The following POLR1B variants were observed in gnomAD, a reference collection of about 807,000 sequenced individuals.
POLR1B encodes the protein RNA polymerase I subunit B, also known as DNA-directed RNA polymerase I subunit RPA2.
POLR1B carries 30 observed loss-of-function variants against 105.8 expected under a neutral mutation model. That is an observed-to-expected ratio of 0.28 (90% confidence interval 0.21 to 0.38). POLR1B has a LOEUF of 0.38. Ranked by LOEUF, POLR1B falls within the 10% of genes least tolerant of loss-of-function variation. The probability of loss-of-function intolerance (pLI) is 1.00; values close to 1 mark genes in which losing one functional copy is unlikely to be tolerated. For missense variants in POLR1B, 976 were observed against 1,435.8 expected (o/e 0.68, Z 5.17); for synonymous variants, 485 against 505.1 (o/e 0.96, Z 0.53).
chr2:112,551,944 A>AT lies in POLR1B; in HGVS notation c.932_933insT (p.Lys311AsnfsTer6). 6.2e-7 allele frequency: 1 copy of AT among 1,614,198 alleles called. No homozygotes were observed. The highest frequency in any genetic ancestry group is 8.5e-7 in the Non-Finnish European group (1 of 1,180,046). On this transcript the variant is annotated frameshift_variant, in exon 6 of 15. Transcript: ENST00000263331. LOFTEE classifies it high-confidence loss of function. ...TACCTAGGTGAATGCTTCAGAGTAA[A>AT]ACTCAATGTTCCTGACTGGTACCCA...
chr2:112,563,923 G>C (rs1405074737), intron 9 of POLR1B, among the ~76,000 whole-genome samples: 1 of 151,358 alleles, frequency 6.6e-6, no homozygotes, highest in Non-Finnish European at 1.5e-5. Context: ...CATTTTTTTT[G>C]CTCATCCTCT....
In POLR1B at chr2:112,542,478, G is replaced by C; in HGVS notation, c.-17G>C. The stretch of plus-strand genomic sequence containing the variant: ...GGCGTGTACCGAGAGACTGGCGTCC[G>C]GTGTGCAGGTGGCCACATGGATCCT... On this transcript the variant is annotated 5_prime_UTR_variant, in exon 1 of 15. Coordinates refer to ENST00000263331, the MANE Select transcript of POLR1B (RefSeq NM_019014.6). The C allele has an allele frequency of 6.2e-7, 1 of 1,612,230 alleles. No homozygotes were observed. Among genetic ancestry groups the C allele is most frequent in the African/African-American group, 1.3e-5 (1 of 74,672 alleles).
chr2:112,558,794 T>C (rs775373139), intron 8 of POLR1B, among the ~76,000 whole-genome samples: 12 of 151,922 alleles, frequency 7.9e-5, no homozygotes, highest in Admixed American at 2.0e-4. Context: ...AATTTTTGTA[T>C]TTTTTGTAGA....
rs776816394 is a variant in POLR1B, at chr2:112,542,530, C to A, written c.36C>A (p.Ser12Arg). Residue 12 changes from serine (S) to arginine (R), a missense_variant, in exon 1 of 15, where the codon AGC becomes AGA. This residue lies in a region of POLR1B where 452 missense variants were observed against 616.5 expected (regional missense o/e 0.73). Transcript: ENST00000263331. ...GCAGCCGGTGGCGGAACCTGCCCAGCGGGCCTAGCCTAAAGCACTTGACTG... is the reference window on the plus strand; with the variant it reads ...GCAGCCGGTGGCGGAACCTGCCCAGAGGGCCTAGCCTAAAGCACTTGACTG... ...DPGSRWRNLP[S>R]GPSLKHLTDP... The A allele has an allele frequency of 2.5e-6, 4 of 1,614,086 alleles. No homozygotes were observed. The highest frequency in any genetic ancestry group is 2.5e-6 in the Non-Finnish European group (3 of 1,180,042).
In POLR1B at chr2:112,564,511, G is replaced by A. The variant is rs1684179222; in HGVS notation, c.1746+12G>A. 1 of 1,614,066 alleles carries A rather than the reference G, an allele frequency of 6.2e-7. No individual in the cohort carries two copies. The highest frequency in any genetic ancestry group is 8.5e-7 in the Non-Finnish European group (1 of 1,180,000). Reference sequence around the variant, plus strand: ...TTCGTCATTTTAAGGTGGGCTTGAGGCTTTGTGAATTGTCCTATCCCTTGA... The same window carrying A: ...TTCGTCATTTTAAGGTGGGCTTGAGACTTTGTGAATTGTCCTATCCCTTGA... On this transcript the variant is annotated intron_variant, in intron 10 of 14. Coordinates refer to ENST00000263331, the MANE Select transcript of POLR1B (RefSeq NM_019014.6).
intron 14 of POLR1B, 88 bp from the exon 15 acceptor site, chr2:112,574,759 C>G: frequency 1.0e-6 from 1 of 976,724 alleles, no homozygotes; most frequent in Non-Finnish European, 1.5e-6. Flanking sequence ...TTACAAATAT[C>G]CTTTATGAAG....
chr2:112,542,743 T>C, intron 1 of POLR1B, 72 bp downstream of exon 1: 2 of 1,553,030 alleles, frequency 1.3e-6, no homozygotes, highest in Non-Finnish European at 1.7e-6. Flanking sequence ...GAGGTCACAG[T>C]ATGACCCCAG....
Position 112,551,816 on chromosome 2 carries a change from C to G in POLR1B, c.804C>G (p.Leu268=), listed in dbSNP as rs184669361. The change falls in exon 6 of 15, where the codon CTC becomes CTG. Residue 268 remains leucine (L), a synonymous_variant. Transcript: ENST00000263331. The part of the protein sequence containing the change: ...SFSDYQIFQE[L]IKGKEDDSFL... ...CTGATTATCAGATCTTTCAGGAGCT[C>G]ATCAAAGGAAAAGAGGATGATTCTT... 5 of 1,614,118 alleles carry G rather than the reference C, an allele frequency of 3.1e-6. No homozygotes were observed. The Admixed American group carries it at 8.3e-5, about 27-fold the overall frequency.
chr2:112,566,293 TGTAATAA>T (rs2104561058), intron 10 of POLR1B, among the ~76,000 whole-genome samples: 1 of 152,372 alleles, frequency 6.6e-6, no homozygotes, highest in African/African-American at 2.4e-5. Flanking sequence ...TGTTTTTCTC[TGTAATAA>T]GTAACTTGTG....
At chr2:112,563,622 G>T (rs1684124142) in intron 9 of POLR1B, among the ~76,000 whole-genome samples, 2 of 152,110 alleles carry the variant, frequency 1.3e-5, no homozygotes, top group Non-Finnish European at 2.9e-5. Flanking sequence ...TTTCTGCTGG[G>T]CACAGTGGCT....
intron 7 of POLR1B, among the ~76,000 whole-genome samples, chr2:112,556,635 A>C (rs941230616): frequency 9.2e-5 from 14 of 152,314 alleles, no homozygotes; most frequent in African/African-American, 3.4e-4. Flanking sequence ...TCAATGGCTA[A>C]TGTGTTGACT....
At chr2:112,564,637 TTCCC>T in intron 10 of POLR1B, 138 bp downstream of exon 10, 4 of 1,182,206 alleles carry the variant, frequency 3.4e-6, no homozygotes, top group Non-Finnish European at 4.8e-6. Flanking sequence ...TGCCTGTGCA[TTCCC>T]TCTGGTGACA....
chr2:112,543,309 G>C (rs1682858885), intron 1 of POLR1B, among the ~76,000 whole-genome samples: 1 of 152,178 alleles, frequency 6.6e-6, no homozygotes, highest in South Asian at 2.1e-4. Context: ...ATGTGGAGGA[G>C]GCAGTCCCGT....
chr2:112,556,298 T>G (rs1683659900), intron 7 of POLR1B, among the ~76,000 whole-genome samples: 1 of 152,248 alleles, frequency 6.6e-6, no homozygotes, highest in African/African-American at 2.4e-5. Context: ...AACAGCTTCC[T>G]TCACTCCCTG....
intron 5 of POLR1B, 34 bp from the exon 6 acceptor site, chr2:112,551,741 A>T (rs777242753): frequency 2.0e-6 from 3 of 1,506,270 alleles, no homozygotes. Flanking sequence ...TTTAGTTATT[A>T]GTGAGCAATT....
intron 4 of POLR1B, among the ~76,000 whole-genome samples, chr2:112,550,247 CT>C (rs1683298725): frequency 6.6e-6 from 1 of 152,248 alleles, no homozygotes; most frequent in African/African-American, 2.4e-5. Context: ...TGGTACACCC[CT>C]CAGGGTCTCT....
chr2:112,546,544 C>CCTTT (rs1683053248), intron 1 of POLR1B, among the ~76,000 whole-genome samples: 1 of 53,188 alleles, frequency 1.9e-5, no homozygotes, highest in Non-Finnish European at 3.1e-5. Context: ...CTGGAGGTAG[C>CCTTT]TTTTTTTTTT....
chr2:112,556,912 T>C (rs1683692193), intron 7 of POLR1B, among the ~76,000 whole-genome samples: 1 of 152,210 alleles, frequency 6.6e-6, no homozygotes, highest in Non-Finnish European at 1.5e-5. Context: ...TCAGAGTAAT[T>C]AACACATTCA....
intron 12 of POLR1B, among the ~76,000 whole-genome samples, chr2:112,571,427 G>T (rs895416623): frequency 2.6e-5 from 4 of 152,056 alleles, no homozygotes; most frequent in Non-Finnish European, 5.9e-5. Flanking sequence ...TTCATTTTAT[G>T]TCTTTCCTTC....
Sources: allele counts gnomAD v4.1 joint callset (sites outside exome capture counted in the v4.1 genomes callset), GRCh38; gene constraint gnomAD v4.1.1; regional missense constraint gnomAD v4.1.1; transcripts MANE v1.5; gene names NCBI Gene and HGNC (gene_info 2026-07-23, HGNC 2026-07-21).